Variants in FRMD6 observed in about 807,000 individuals in gnomAD.
FRMD6 encodes FERM domain containing 6.
A neutral mutation model predicts 73.2 loss-of-function variants in FRMD6; 37 were observed. The observed-to-expected ratio is 0.51, with a 90% CI of 0.39 to 0.66. FRMD6 has a LOEUF of 0.66. Among genes scored for constraint, FRMD6 ranks in the 30% least tolerant of loss-of-function variants. The pLI is 0.00. For missense variants in FRMD6, 714 were observed against 780.5 expected (o/e 0.91, Z 1.02); for synonymous variants, 273 against 282.2 (o/e 0.97, Z 0.33).
intron 1 of FRMD6, among the ~76,000 whole-genome samples, chr14:51,670,005 T>C (rs1033001864): frequency 6.6e-6 from 1 of 152,154 alleles, no homozygotes; most frequent in East Asian, 1.9e-4. Flanking sequence ...TGAAGTAGAT[T>C]AGAATCCGAT....
the FRMD6 span, among the ~76,000 whole-genome samples, chr14:51,452,352 G>A: frequency 6.6e-6 from 1 of 152,210 alleles, no homozygotes; most frequent in Non-Finnish European, 1.5e-5. Context: ...TTTTAAGATT[G>A]AGAGTCCCAC....
chr14:51,668,466 C>T (rs59851548), intron 1 of FRMD6, among the ~76,000 whole-genome samples: 1,792 of 152,040 alleles, frequency 0.012, 47 homozygotes, highest in African/African-American at 0.041. Flanking sequence ...CTACCATGCT[C>T]GGCTAATTTT....
chr14:51,661,079 G>A (rs549691311), intron 1 of FRMD6, among the ~76,000 whole-genome samples: 1 of 152,206 alleles, frequency 6.6e-6, no homozygotes, highest in Non-Finnish European at 1.5e-5. Flanking sequence ...GGGGAGCCAG[G>A]TTTTGTGCAG....
chr14:51,451,512 T>C, the FRMD6 span, among the ~76,000 whole-genome samples: 1 of 152,204 alleles, frequency 6.6e-6, no homozygotes, highest in Non-Finnish European at 1.5e-5. Context: ...CAGCTGAGAC[T>C]TCAGACATGT....
At chr14:51,686,351 T>C (rs1356297202) in intron 1 of FRMD6, among the ~76,000 whole-genome samples, 1 of 152,086 alleles carries the variant, frequency 6.6e-6, no homozygotes. Flanking sequence ...TTAGGGGTAG[T>C]GGACCCAGTT....
chr14:51,410,892 C>T, the FRMD6 span, among the ~76,000 whole-genome samples: 1 of 152,094 alleles, frequency 6.6e-6, no homozygotes, highest in Non-Finnish European at 1.5e-5. Context: ...GAAAACTGAA[C>T]AGTATTTTGT....
chr14:51,503,666 G>A (rs867766857), intron 1 of FRMD6, among the ~76,000 whole-genome samples: 1 of 134,082 alleles, frequency 7.5e-6, no homozygotes, highest in Non-Finnish European at 1.6e-5. Context: ...CAAGGATATT[G>A]GGCTGAAGTT....
intron 2 of FRMD6, among the ~76,000 whole-genome samples, chr14:51,596,172 A>T (rs970506559): frequency 2.6e-5 from 4 of 152,030 alleles, no homozygotes; most frequent in Non-Finnish European, 5.9e-5. Flanking sequence ...TGGTCACAGT[A>T]ATTCTCAACC....
At chr14:51,494,060 T>C (rs911123646) in intron 1 of FRMD6, among the ~76,000 whole-genome samples, 5 of 152,198 alleles carry the variant, frequency 3.3e-5, no homozygotes, top group African/African-American at 9.7e-5. Flanking sequence ...TGTGGATTCA[T>C]AAGGATTTCA....
chr14:51,590,680 G>C (rs1295402936), intron 2 of FRMD6, among the ~76,000 whole-genome samples: 2 of 152,188 alleles, frequency 1.3e-5, no homozygotes, highest in African/African-American at 4.8e-5. Flanking sequence ...GAGGTGAAGG[G>C]ATATTTGCTT....
At chr14:51,724,389 A>C (rs1315150978) in intron 12 of FRMD6, among the ~76,000 whole-genome samples, 3 of 152,220 alleles carry the variant, frequency 2.0e-5, no homozygotes, top group Non-Finnish European at 4.4e-5. Context: ...AGCTGAGGGC[A>C]CATTTACCAG....
chr14:51,720,621 A>G, intron 11 of FRMD6: 1 of 541,364 alleles, frequency 1.8e-6, no homozygotes, highest in Non-Finnish European at 3.3e-6. Context: ...TTGTAGACTC[A>G]GTCTTAGCTG....
chr14:51,422,087 A>G, the FRMD6 span, among the ~76,000 whole-genome samples: 1 of 152,200 alleles, frequency 6.6e-6, no homozygotes, highest in Admixed American at 6.5e-5. Context: ...AACCTTTTTT[A>G]TAACAGCTTT....
intron 1 of FRMD6, among the ~76,000 whole-genome samples, chr14:51,564,138 G>T (rs1230121256): frequency 6.6e-6 from 1 of 152,122 alleles, no homozygotes; most frequent in South Asian, 2.1e-4. Context: ...TCCTCCACGA[G>T]CCTCCCTTGG....
the FRMD6 span, among the ~76,000 whole-genome samples, chr14:51,404,489 A>G: frequency 2.0e-5 from 3 of 152,124 alleles, no homozygotes. Context: ...TCATAAAGAT[A>G]TTCTTCTATT....
chr14:51,439,183 C>G, the FRMD6 span, among the ~76,000 whole-genome samples: 1 of 152,170 alleles, frequency 6.6e-6, no homozygotes, highest in Non-Finnish European at 1.5e-5. Flanking sequence ...AACTATCCCA[C>G]CAACAGGCAA....
chr14:51,520,552 G>A (rs746846635), intron 1 of FRMD6, among the ~76,000 whole-genome samples: 15 of 152,146 alleles, frequency 9.9e-5, no homozygotes, highest in Non-Finnish European at 2.1e-4. Flanking sequence ...CCATCAGGAG[G>A]TGATGAATAT....
chr14:51,525,997 G>A (rs1165829332), intron 1 of FRMD6, among the ~76,000 whole-genome samples: 1 of 152,176 alleles, frequency 6.6e-6, no homozygotes, highest in Non-Finnish European at 1.5e-5. Flanking sequence ...TCCGGAAGGA[G>A]GCTAAGGAGT....
At chr14:51,466,191 A>G in the FRMD6 span, among the ~76,000 whole-genome samples, 2 of 152,214 alleles carry the variant, frequency 1.3e-5, no homozygotes, top group African/African-American at 2.4e-5. Context: ...TCTTTTATAT[A>G]GATTGCAAAT....
Sources: gnomAD v4.1 joint callset for allele counts (sites outside exome capture counted in the v4.1 genomes callset) on GRCh38, gnomAD v4.1.1 for gene constraint, MANE v1.5 for transcripts, NCBI Gene and HGNC (gene_info 2026-07-23, HGNC 2026-07-21) for gene names.